Variants in TMEM117 observed in about 807,000 individuals in gnomAD.
The protein encoded by TMEM117 is transmembrane protein 117.
Under a neutral mutation model 52.4 loss-of-function variants are expected in TMEM117, and 27 were observed. That is an observed-to-expected ratio of 0.51 (90% CI 0.38 to 0.71). The LOEUF (loss-of-function observed/expected upper bound fraction) is 0.71. Ranked by LOEUF, TMEM117 falls within the 30% of genes least tolerant of loss-of-function variation. The pLI is 0.00. For missense variants in TMEM117, 556 were observed against 630.5 expected, an observed-to-expected ratio of 0.88 and a Z score of 1.26; for synonymous variants, 215 against 206.3, an observed-to-expected ratio of 1.04 and a Z score of -0.36.
chr12:43,971,054 G>A (rs1006918346), intron 3 of TMEM117, among the ~76,000 whole-genome samples: 2 of 152,056 alleles, frequency 1.3e-5, no homozygotes, highest in Admixed American at 1.3e-4. Flanking sequence ...GCACAGTTAT[G>A]TACCCAGTAG....
At chr12:44,302,411 C>T (rs1318807732) in intron 6 of TMEM117, among the ~76,000 whole-genome samples, 2 of 152,186 alleles carry the variant, frequency 1.3e-5, no homozygotes, top group Non-Finnish European at 2.9e-5. Flanking sequence ...CATACTTATT[C>T]CCCAGTGTCA....
rs17094338 is a variant in TMEM117 at position 44,240,060 on chromosome 12, T to C, written c.608+28673T>C. On this transcript the variant is annotated intron_variant, in intron 5 of 7. Transcript: ENST00000266534. ...CAGATGAAATTAAAAGGTATTTGGGTAAAAGTGACTGCCCTGCTATATTAG... is the reference window on the plus strand; with the variant it reads ...CAGATGAAATTAAAAGGTATTTGGGCAAAAGTGACTGCCCTGCTATATTAG... 2.3e-3 allele frequency among the ~76,000 whole-genome samples: 355 copies of C among 152,190 alleles called. 12 individuals are homozygous for C. The East Asian group carries it at 0.035, about 15-fold the overall frequency.
At chr12:43,941,671 G>A (rs1034218957) in intron 2 of TMEM117, among the ~76,000 whole-genome samples, 4 of 152,178 alleles carry the variant, frequency 2.6e-5, no homozygotes, top group African/African-American at 9.7e-5. Flanking sequence ...AGTACAATTT[G>A]ACTGAACACT....
intron 6 of TMEM117, among the ~76,000 whole-genome samples, chr12:44,310,335 T>C (rs533145366): frequency 2.0e-5 from 3 of 152,292 alleles, no homozygotes; most frequent in Non-Finnish European, 2.9e-5. Flanking sequence ...CTCACTGTTA[T>C]CTGATGATAA....
At chr12:43,893,027 A>G (rs1392076224) in intron 2 of TMEM117, among the ~76,000 whole-genome samples, 1 of 152,234 alleles carries the variant, frequency 6.6e-6, no homozygotes, top group East Asian at 1.9e-4. Context: ...CAGAAACAGC[A>G]AGAAGGACAG....
chr12:43,844,301 G>A (rs7296222), intron 1 of TMEM117, among the ~76,000 whole-genome samples: 7,719 of 152,204 alleles, frequency 0.051, 532 homozygotes, highest in African/African-American at 0.15. Flanking sequence ...CTGCATTTCC[G>A]CCTGGGAGGG....
At chr12:44,149,515 G>T (rs1948691818) in intron 4 of TMEM117, among the ~76,000 whole-genome samples, 1 of 152,126 alleles carries the variant, frequency 6.6e-6, no homozygotes, top group African/African-American at 2.4e-5. Flanking sequence ...AACCTAAAAT[G>T]TGGTGATGTT....
At chr12:44,176,963 T>C (rs1000027186) in intron 4 of TMEM117, among the ~76,000 whole-genome samples, 17 of 152,082 alleles carry the variant, frequency 1.1e-4, no homozygotes, top group Non-Finnish European at 2.9e-5. Context: ...GAGGACTAGC[T>C]CAGGAAGGAA....
chr12:44,302,949 C>T lies in TMEM117; in HGVS notation c.768+3210C>T, dbSNP rs996381790. On this transcript the variant is annotated intron_variant, in intron 6 of 7. Coordinates refer to ENST00000266534, the MANE Select transcript of TMEM117 (RefSeq NM_032256.3). Reference sequence around the variant, plus strand: ...AAGTAAAATTAGTGTCACTGAAACACCTGTCCTTATTAGAATTATTTAAAT... The same window carrying T: ...AAGTAAAATTAGTGTCACTGAAACATCTGTCCTTATTAGAATTATTTAAAT... Among the ~76,000 whole-genome samples, 5 of 152,100 alleles carry T rather than the reference C, an allele frequency of 3.3e-5. No individual in the cohort carries two copies. In the South Asian group the frequency reaches 8.3e-4, roughly 25 times the overall value.
chr12:43,849,679 A>G (rs1029038469), intron 2 of TMEM117, among the ~76,000 whole-genome samples: 1 of 151,542 alleles, frequency 6.6e-6, no homozygotes, highest in Non-Finnish European at 1.5e-5. Flanking sequence ...AGTCAGCTTT[A>G]TTTCTTCTAT....
At chr12:44,252,681 C>G (rs1313414330) in intron 5 of TMEM117, among the ~76,000 whole-genome samples, 1 of 152,194 alleles carries the variant, frequency 6.6e-6, no homozygotes, top group Non-Finnish European at 1.5e-5. Context: ...GATGTTTACA[C>G]AGGTTTGATT....
At chr12:44,182,760 G>A (rs1044120563) in intron 4 of TMEM117, among the ~76,000 whole-genome samples, 2 of 152,072 alleles carry the variant, frequency 1.3e-5, no homozygotes, top group Admixed American at 6.6e-5. Context: ...GCAAGTGGAT[G>A]CAGGTACCTC....
At chr12:44,252,687 T>A (rs1950210054) in intron 5 of TMEM117, among the ~76,000 whole-genome samples, 1 of 152,220 alleles carries the variant, frequency 6.6e-6, no homozygotes, top group Non-Finnish European at 1.5e-5. Flanking sequence ...TACACAGGTT[T>A]GATTTATACT....
At chr12:44,236,376 G>A (rs983733562) in intron 5 of TMEM117, among the ~76,000 whole-genome samples, 1 of 151,850 alleles carries the variant, frequency 6.6e-6, no homozygotes, top group Non-Finnish European at 1.5e-5. Context: ...CCTATTTCTA[G>A]TTAGTTTTCT....
At chr12:44,061,730 C>G (rs1231551590) in intron 3 of TMEM117, among the ~76,000 whole-genome samples, 9 of 151,986 alleles carry the variant, frequency 5.9e-5, no homozygotes. Context: ...GAGGAGGACC[C>G]ATATTCATGG....
chr12:44,387,027 G>T (rs915684667), intron 7 of TMEM117, among the ~76,000 whole-genome samples: 1 of 151,748 alleles, frequency 6.6e-6, no homozygotes, highest in Non-Finnish European at 1.5e-5. Context: ...TATAACTAAA[G>T]CTTCTGGAAC....
intron 4 of TMEM117, among the ~76,000 whole-genome samples, chr12:44,167,181 A>G (rs1948979064): frequency 6.6e-6 from 1 of 152,198 alleles, no homozygotes; most frequent in Non-Finnish European, 1.5e-5. Flanking sequence ...TATATACCAT[A>G]TTGAACGTCT....
intron 5 of TMEM117, among the ~76,000 whole-genome samples, chr12:44,279,515 C>CT (rs769225066): frequency 0.13 from 17,657 of 137,204 alleles, 1,317 homozygotes; most frequent in Middle Eastern, 0.21. Flanking sequence ...TTCTTTTCTT[C>CT]TTTTTTTTTT....
Position 43,891,459 on chromosome 12 carries a change from G to A in TMEM117, c.277+46531G>A, listed in dbSNP as rs1327764695. ...GTGATCTCAGCTCACTGCAAGCTCC[G>A]CCTCCCAGGTTCATGCCATTCTCCT... On this transcript the variant is annotated intron_variant, in intron 2 of 7. Transcript: ENST00000266534. Among the ~76,000 whole-genome samples the A allele has an allele frequency of 2.0e-4, 25 of 127,446 alleles. No homozygotes were observed. In the Admixed American group the frequency reaches 2.2e-3, roughly 11 times the overall value. The allele number at this position is 127,446 out of a possible 152,430, so 83.6% of individuals were successfully genotyped here. A position where few individuals can be genotyped will look rare whatever the true frequency, so the allele number is the denominator to read the frequency against.
Sources: allele counts gnomAD v4.1 joint callset (sites outside exome capture counted in the v4.1 genomes callset), GRCh38; gene constraint gnomAD v4.1.1; transcripts MANE v1.5; gene names NCBI Gene and HGNC (gene_info 2026-07-23, HGNC 2026-07-21).